The following PTPRD variants were observed in gnomAD, a reference collection of about 807,000 sequenced individuals.
PTPRD encodes the protein protein tyrosine phosphatase receptor type D, also known as receptor-type tyrosine-protein phosphatase delta.
A neutral mutation model predicts 214.5 loss-of-function variants in PTPRD; 34 were observed. That is an observed-to-expected ratio of 0.16 (90% CI 0.12 to 0.21). The LOEUF (loss-of-function observed/expected upper bound fraction) is 0.21. Ranked by LOEUF, PTPRD falls within the 10% of genes least tolerant of loss-of-function variation. The pLI is 1.00. For missense variants in PTPRD, 2,545 were observed against 2,398.7 expected (o/e 1.06, Z -1.27); for synonymous variants, 1,128 against 845.7 (o/e 1.33, Z -5.79).
chr9:9,092,291 C>G (rs2099777357), intron 10 of PTPRD, among the ~76,000 whole-genome samples: 1 of 152,110 alleles, frequency 6.6e-6, no homozygotes, highest in South Asian at 2.1e-4. Context: ...ATTCTTCATT[C>G]ATGACTGTAT....
At chr9:10,156,194 T>C (rs2099092326) in intron 3 of PTPRD, among the ~76,000 whole-genome samples, 1 of 151,722 alleles carries the variant, frequency 6.6e-6, no homozygotes, top group Non-Finnish European at 1.5e-5. Context: ...ATTGGTTTAC[T>C]CTTGGTTCTC....
chr9:8,815,774 G>A (rs183243350), intron 11 of PTPRD, among the ~76,000 whole-genome samples: 1 of 152,146 alleles, frequency 6.6e-6, no homozygotes, highest in East Asian at 1.9e-4. Context: ...GTCTGTTTTG[G>A]AATATCTGAT....
At chr9:10,481,507 C>T (rs958354827) in intron 2 of PTPRD, among the ~76,000 whole-genome samples, 3 of 152,102 alleles carry the variant, frequency 2.0e-5, no homozygotes, top group Non-Finnish European at 2.9e-5. Context: ...AAGGAAGACT[C>T]ACAGATGTAT....
In PTPRD at chr9:9,687,813, A is replaced by G. The variant is rs62534687; in HGVS notation, c.-287+46720T>C. ...GTCTACTTATGAGATAATTATATAC[A>G]TGTATGCACACACAGATACATTATT... On this transcript the variant is annotated intron_variant, in intron 7 of 45. Coordinates refer to ENST00000381196, the MANE Select transcript of PTPRD (RefSeq NM_002839.4). Among the ~76,000 whole-genome samples, 662 of 151,894 alleles carry G rather than the reference A, an allele frequency of 4.4e-3. 3 individuals are homozygous for G. Among genetic ancestry groups the G allele is most frequent in the Admixed American group, 0.013 (205 of 15,212 alleles).
intron 9 of PTPRD, among the ~76,000 whole-genome samples, chr9:9,233,799 G>C (rs1390201099): frequency 2.0e-5 from 3 of 152,204 alleles, no homozygotes; most frequent in South Asian, 2.1e-4. Context: ...CTCACATCCA[G>C]TTCATGCTGA....
At chr9:10,328,759 T>G (rs2096694155) in intron 3 of PTPRD, among the ~76,000 whole-genome samples, 1 of 151,814 alleles carries the variant, frequency 6.6e-6, no homozygotes, top group Non-Finnish European at 1.5e-5. Context: ...AGAGGAAACA[T>G]GAAGACAGAA....
chr9:10,151,513 G>A (rs939544158), intron 3 of PTPRD, among the ~76,000 whole-genome samples: 3 of 151,584 alleles, frequency 2.0e-5, no homozygotes, highest in South Asian at 2.1e-4. Flanking sequence ...CACCCACCTC[G>A]GCCTCCCAAA....
rs193073535 is a variant in PTPRD, at chr9:9,918,613, C to A, written c.-368+19894G>T. Among the ~76,000 whole-genome samples, 320 of 152,110 alleles carry A rather than the reference C, an allele frequency of 2.1e-3. 1 individual carries two copies. Among genetic ancestry groups the A allele is most frequent in the African/African-American group, 7.4e-3 (307 of 41,528 alleles). On this transcript the variant is annotated intron_variant, in intron 5 of 45. Coordinates refer to ENST00000381196, the MANE Select transcript of PTPRD (RefSeq NM_002839.4). Reference sequence around the variant, plus strand: ...TAGCCAAAGCCATCCTGAGACAAAACAGCAAAACTGAAGGCGTGACGCTAC... The same window carrying A: ...TAGCCAAAGCCATCCTGAGACAAAAAAGCAAAACTGAAGGCGTGACGCTAC...
chr9:9,138,603 A>G (rs1403875197), intron 10 of PTPRD, among the ~76,000 whole-genome samples: 1 of 152,160 alleles, frequency 6.6e-6, no homozygotes, highest in East Asian at 1.9e-4. Context: ...TGTGCCAAGG[A>G]AAGATGACAT....
intron 11 of PTPRD, among the ~76,000 whole-genome samples, chr9:8,952,348 T>C (rs1043138282): frequency 2.0e-5 from 3 of 152,012 alleles, no homozygotes. Context: ...GTCATCAACG[T>C]ACTGCATTTT....
intron 7 of PTPRD, among the ~76,000 whole-genome samples, chr9:9,678,416 A>G (rs532484044): frequency 5.9e-5 from 9 of 152,092 alleles, no homozygotes; most frequent in Non-Finnish European, 8.8e-5. Flanking sequence ...ATAATGCCGC[A>G]TATCTACAAC....
chr9:8,734,276 T>C (rs1223985991), intron 11 of PTPRD, among the ~76,000 whole-genome samples: 1 of 152,198 alleles, frequency 6.6e-6, no homozygotes, highest in Admixed American at 6.5e-5. Context: ...TGTCACTTCT[T>C]ATGAAACATT....
At chr9:8,501,746 A>G (rs891436460) in intron 23 of PTPRD, among the ~76,000 whole-genome samples, 6 of 152,230 alleles carry the variant, frequency 3.9e-5, no homozygotes, top group Non-Finnish European at 7.3e-5. Context: ...ATGAAAATGC[A>G]GAGTCCAAGA....
At chr9:9,549,582 C>T (rs1003071307) in intron 8 of PTPRD, among the ~76,000 whole-genome samples, 7 of 152,012 alleles carry the variant, frequency 4.6e-5, no homozygotes, top group African/African-American at 1.7e-4. Flanking sequence ...AATTCCATGC[C>T]TCGTTATTTA....
chr9:10,545,424 A>G (rs1490808398), intron 2 of PTPRD, among the ~76,000 whole-genome samples: 1 of 152,202 alleles, frequency 6.6e-6, no homozygotes, highest in Non-Finnish European at 1.5e-5. Flanking sequence ...TTTACACTAT[A>G]CACACAGGCC....
intron 2 of PTPRD, among the ~76,000 whole-genome samples, chr9:10,424,313 T>TTCTCTCTCTCTC (rs35994999): frequency 9.6e-5 from 14 of 145,590 alleles, no homozygotes; most frequent in African/African-American, 3.2e-4. Context: ...TGGTTTCCTT[T>TTCTCTCTCTCTC]TCTCTCTCTC....
chr9:10,489,026 G>A (rs1284722981), intron 2 of PTPRD, among the ~76,000 whole-genome samples: 1 of 152,070 alleles, frequency 6.6e-6, no homozygotes, highest in Non-Finnish European at 1.5e-5. Context: ...TAGGTGGAAG[G>A]AGTCTTGCCC....
At chr9:8,492,302 C>T (rs537226691) in intron 27 of PTPRD, among the ~76,000 whole-genome samples, 1 of 152,240 alleles carries the variant, frequency 6.6e-6, no homozygotes. Context: ...TGTTGCTTGA[C>T]TTCCCTGCCC....
At chr9:10,171,439 C>A (rs2099205110) in intron 3 of PTPRD, among the ~76,000 whole-genome samples, 1 of 152,164 alleles carries the variant, frequency 6.6e-6, no homozygotes, top group African/African-American at 2.4e-5. Flanking sequence ...CACCTTCTGA[C>A]ATGATTTGAG....
Sources: gnomAD v4.1 joint callset for allele counts (sites outside exome capture counted in the v4.1 genomes callset) on GRCh38, gnomAD v4.1.1 for gene constraint, MANE v1.5 for transcripts, NCBI Gene and HGNC (gene_info 2026-07-23, HGNC 2026-07-21) for gene names.